ANTXR1: variants seen among roughly 807,000 people sequenced by gnomAD.
ANTXR1 encodes the protein ANTXR cell adhesion molecule 1, also known as anthrax toxin receptor 1.
A neutral mutation model predicts 78.1 loss-of-function variants in ANTXR1; 19 were observed. The ratio of observed to expected loss-of-function variants is 0.24; its 90% confidence interval spans 0.17 to 0.36. The LOEUF (loss-of-function observed/expected upper bound fraction) is 0.36. Ranked by LOEUF, ANTXR1 falls within the 10% of genes least tolerant of loss-of-function variation. The pLI is 1.00. For synonymous variants in ANTXR1, 273 were observed against 260.5 expected (o/e 1.05, Z -0.46); for missense variants, 518 against 718.6 (o/e 0.72, Z 3.19).
intron 8 of ANTXR1, among the ~76,000 whole-genome samples, chr2:69,089,820 C>A (rs1402286182): frequency 6.6e-6 from 1 of 152,134 alleles, no homozygotes; most frequent in East Asian, 1.9e-4. Flanking sequence ...ATCTCAAATT[C>A]CAAATTAAGT....
chr2:69,235,154 G>A (rs1675724160), intron 17 of ANTXR1, among the ~76,000 whole-genome samples: 1 of 151,068 alleles, frequency 6.6e-6, no homozygotes, highest in East Asian at 2.0e-4. Context: ...CTCCTAAGTA[G>A]TTGGGATTAC....
chr2:69,032,995 G>A (rs1042615776), intron 1 of ANTXR1, among the ~76,000 whole-genome samples: 1 of 151,910 alleles, frequency 6.6e-6, no homozygotes, highest in Admixed American at 6.6e-5. Context: ...TTTAATGTTA[G>A]CAATGTCCCA....
At chr2:69,172,591 ATTAT>A in intron 14 of ANTXR1, 3 of 1,238,828 alleles carry the variant, frequency 2.4e-6, no homozygotes, top group Non-Finnish European at 3.1e-6. Flanking sequence ...GACCTTCAGT[ATTAT>A]TTATCCCAAC....
chr2:69,099,494 T>A (rs941765605), intron 9 of ANTXR1, among the ~76,000 whole-genome samples: 1 of 152,242 alleles, frequency 6.6e-6, no homozygotes, highest in Non-Finnish European at 1.5e-5. Flanking sequence ...AAGGTAACTG[T>A]GTTTAACTTT....
intron 14 of ANTXR1, among the ~76,000 whole-genome samples, chr2:69,178,490 G>A (rs1674189856): frequency 6.6e-6 from 1 of 152,168 alleles, no homozygotes; most frequent in Admixed American, 6.5e-5. Flanking sequence ...GCACGAGGGC[G>A]GCGCCTCCTT....
intron 12 of ANTXR1, among the ~76,000 whole-genome samples, chr2:69,126,251 C>T (rs761458398): frequency 3.3e-5 from 5 of 152,166 alleles, no homozygotes; most frequent in African/African-American, 4.8e-5. Context: ...AGCAGGGTAA[C>T]CCATTGTAAA....
At chr2:69,153,149 T>A (rs1270670329) in intron 13 of ANTXR1, among the ~76,000 whole-genome samples, 36 of 152,164 alleles carry the variant, frequency 2.4e-4, no homozygotes. Flanking sequence ...GCATCTTCAT[T>A]TCCTGTATTT....
chr2:69,246,413 G>T lies in ANTXR1; in HGVS notation c.*928G>T, dbSNP rs562800937. ...TCCTGTTTTCCAGAGATAAACATAA[G>T]TTGATCTTCCCAAAATACCATCATT... On this transcript the variant is annotated 3_prime_UTR_variant, in exon 18 of 18. Transcript: ENST00000303714. 1 of 152,252 alleles carries T rather than the reference G, an allele frequency of 6.6e-6. No homozygotes were observed. The highest frequency in any genetic ancestry group is 2.1e-4 in the South Asian group (1 of 4,804). The allele number at this position is 152,252 out of a possible 1,614,324, so 9.4% of individuals were successfully genotyped here.
intron 17 of ANTXR1, among the ~76,000 whole-genome samples, chr2:69,205,606 T>TA (rs1674880139): frequency 1.8e-5 from 2 of 113,494 alleles, no homozygotes; most frequent in East Asian, 4.0e-4. Flanking sequence ...TTTTTTTTTT[T>TA]TAACTTTCCC....
chr2:69,115,838 G>A (rs6710147), intron 10 of ANTXR1, among the ~76,000 whole-genome samples: 25,871 of 152,184 alleles, frequency 0.17, 2,514 homozygotes, highest in East Asian at 0.29. Flanking sequence ...AGTTGTGAGC[G>A]AGGGTATGGG....
chr2:69,136,436 G>A (rs1375919071), intron 12 of ANTXR1, among the ~76,000 whole-genome samples: 2 of 152,114 alleles, frequency 1.3e-5, no homozygotes, highest in Non-Finnish European at 2.9e-5. Context: ...TCATATTCTG[G>A]TGCCAAATAA....
intron 3 of ANTXR1, among the ~76,000 whole-genome samples, chr2:69,052,193 A>G (rs1669950271): frequency 6.6e-6 from 1 of 152,110 alleles, no homozygotes. Context: ...TTCATTGAAT[A>G]TATATGAATA....
At chr2:69,102,292 G>A (rs4300868) in intron 9 of ANTXR1, among the ~76,000 whole-genome samples, 140,310 of 152,374 alleles carry the variant, frequency 0.92, 64,739 homozygotes, top group African/African-American at 0.98. Context: ...AAAGACAAGA[G>A]AACACCACCA....
Position 69,165,644 on chromosome 2 carries a change from A to C in ANTXR1, c.1048-4604A>C, listed in dbSNP as rs375143440. 2.8e-4 allele frequency among the ~76,000 whole-genome samples: 43 copies of C among 152,380 alleles called. No homozygotes were observed. The South Asian group carries it at 8.9e-3, about 32-fold the overall frequency. On this transcript the variant is annotated intron_variant, in intron 13 of 17. Transcript: ENST00000303714. Reference sequence around the variant, plus strand: ...GGCATTCTTTTGCTGCTAAAGCAGCATGTGGGCCTGACTCGCGGCTTCAAA... The same window carrying C: ...GGCATTCTTTTGCTGCTAAAGCAGCCTGTGGGCCTGACTCGCGGCTTCAAA...
intron 1 of ANTXR1, among the ~76,000 whole-genome samples, chr2:69,023,744 A>C (rs145117442): frequency 6.6e-6 from 1 of 152,328 alleles, no homozygotes; most frequent in Admixed American, 6.5e-5. Flanking sequence ...AGTTTTGTAG[A>C]AGACATGGGG....
chr2:69,236,397 T>C (rs1360080823), intron 17 of ANTXR1, among the ~76,000 whole-genome samples: 1 of 152,172 alleles, frequency 6.6e-6, no homozygotes, highest in Admixed American at 6.6e-5. Context: ...TTAAAAACTT[T>C]CATCTCACAA....
intron 10 of ANTXR1, among the ~76,000 whole-genome samples, chr2:69,108,880 T>C (rs1300768049): frequency 1.3e-5 from 2 of 152,124 alleles, no homozygotes; most frequent in South Asian, 2.1e-4. Context: ...GGCAGACAAA[T>C]AAAATGTAAC....
chr2:69,030,404 C>A (rs1671496076), intron 1 of ANTXR1, among the ~76,000 whole-genome samples: 2 of 152,146 alleles, frequency 1.3e-5, no homozygotes. Context: ...CCTTCATACA[C>A]AAAACTTCCC....
chr2:69,028,544 A>C (rs778749212), intron 1 of ANTXR1, among the ~76,000 whole-genome samples: 3 of 152,170 alleles, frequency 2.0e-5, no homozygotes, highest in Non-Finnish European at 2.9e-5. Flanking sequence ...ATTCTTTCTG[A>C]AAGGGGAATG....
Sources: gnomAD v4.1 joint callset for allele counts (sites outside exome capture counted in the v4.1 genomes callset) on GRCh38, gnomAD v4.1.1 for gene constraint, MANE v1.5 for transcripts, NCBI Gene and HGNC (gene_info 2026-07-23, HGNC 2026-07-21) for gene names.